The following MAST4 variants were observed in gnomAD, a reference collection of about 807,000 sequenced individuals.
MAST4 encodes the protein microtubule-associated serine/threonine-protein kinase 4.
In MAST4, 89 loss-of-function variants were observed where a neutral mutation model predicts 162.7. The observed-to-expected ratio is 0.55, with a 90% CI of 0.46 to 0.65. The LOEUF is 0.65. Among genes scored for constraint, MAST4 ranks in the 30% least tolerant of loss-of-function variants. MAST4 has a pLI of 0.00. For missense variants in MAST4, 3,153 were observed against 3,374.0 expected (o/e 0.93, Z 1.62); for synonymous variants, 1,479 against 1,361.1 (o/e 1.09, Z -1.91).
chr5:66,903,270 A>T (rs973441189), intron 4 of MAST4, among the ~76,000 whole-genome samples: 1 of 152,192 alleles, frequency 6.6e-6, no homozygotes, highest in Non-Finnish European at 1.5e-5. Context: ...GATAGTGTGT[A>T]TATGGGTGTT....
chr5:66,668,716 A>G (rs1037801552), intron 1 of MAST4, among the ~76,000 whole-genome samples: 2 of 152,246 alleles, frequency 1.3e-5, no homozygotes, highest in African/African-American at 4.8e-5. Context: ...TTGGTTTGGT[A>G]TAATTTTGTT....
chr5:66,907,153 CAAAGCGAGAGAG>C, intron 4 of MAST4, among the ~76,000 whole-genome samples: 1 of 116,836 alleles, frequency 8.6e-6, no homozygotes, highest in African/African-American at 3.4e-5. Context: ...TAACTCTCAG[CAAAGCGAGAGAG>C]AGAGAGAGAG....
chr5:67,127,236 A>G (rs186278892), intron 14 of MAST4, among the ~76,000 whole-genome samples: 2 of 152,170 alleles, frequency 1.3e-5, no homozygotes, highest in East Asian at 3.9e-4. Context: ...TCTTTCTCTT[A>G]CCTGATTGCC....
At chr5:66,872,183 GT>G (rs1554062049) in intron 3 of MAST4, among the ~76,000 whole-genome samples, 1 of 140,018 alleles carries the variant, frequency 7.1e-6, no homozygotes, top group African/African-American at 2.5e-5. Flanking sequence ...TTGTTTGTTT[GT>G]TTTGAGTCAA....
Position 67,114,099 on chromosome 5 carries a change from G to C in MAST4, c.1471G>C (p.Glu491Gln). ...TGTCTTCGGCTAGGAATTTGATCCG[G>C]AAGAATTTTACTACCTATTGGAAGC... The part of the protein sequence containing the change: ...RLLECLEFDP[E>Q]EFYYLLEAAE... Residue 491 changes from glutamate to glutamine, a missense_variant, in exon 12 of 29, where the codon GAA becomes CAA. Physicochemically the swap from Glu to Gln is conservative, Grantham distance 29. Transcript: ENST00000403625. 1 of 1,613,720 alleles carries C rather than the reference G, an allele frequency of 6.2e-7. No homozygotes were observed. The highest frequency in any genetic ancestry group is 8.5e-7 in the Non-Finnish European group (1 of 1,179,800).
intron 5 of MAST4, among the ~76,000 whole-genome samples, chr5:67,081,061 AATATAATATATAATTGTATATATT>A (rs1214612548): frequency 0.24 from 28,273 of 119,318 alleles, 5,905 homozygotes; most frequent in African/African-American, 0.48. Flanking sequence ...TATATTATAT[AATATAATATATAATTGTATATATT>A]ATATAATATA....
At chr5:66,814,378 T>C (rs42553) in intron 3 of MAST4, among the ~76,000 whole-genome samples, 150,259 of 152,190 alleles carry the variant, frequency 0.99, 74,176 homozygotes, top group East Asian at 1. Context: ...GGGCTTTTTT[T>C]ACCTTTGGCT....
intron 1 of MAST4, among the ~76,000 whole-genome samples, chr5:66,699,087 A>G (rs1383541784): frequency 1.3e-5 from 2 of 152,096 alleles, no homozygotes; most frequent in African/African-American, 2.4e-5. Context: ...TCCAGGCCCT[A>G]TGTGATCCAG....
At chr5:66,683,524 TTCAAGCTAGGA>T in intron 1 of MAST4, among the ~76,000 whole-genome samples, 1 of 152,218 alleles carries the variant, frequency 6.6e-6, no homozygotes, top group Admixed American at 6.5e-5. Context: ...TCAAGGCCTT[TTCAAGCTAGGA>T]TCAAGGTTGA....
chr5:66,960,590 A>G (rs1392375028), intron 4 of MAST4, among the ~76,000 whole-genome samples: 4 of 152,070 alleles, frequency 2.6e-5, no homozygotes, highest in Non-Finnish European at 1.5e-5. Context: ...TAACTAAGCC[A>G]TAGCTCTGTG....
intron 5 of MAST4, among the ~76,000 whole-genome samples, chr5:67,084,634 G>T (rs1027205055): frequency 1.3e-5 from 2 of 152,096 alleles, no homozygotes; most frequent in Admixed American, 6.5e-5. Flanking sequence ...ATCACTTACA[G>T]TTATAAATTA....
chr5:66,811,330 T>C (rs943737350), intron 3 of MAST4, among the ~76,000 whole-genome samples: 4 of 152,238 alleles, frequency 2.6e-5, no homozygotes, highest in Non-Finnish European at 5.9e-5. Context: ...ACTCTGCTTT[T>C]TGTTTTTAAT....
At chr5:66,635,229 G>A (rs565395372) in intron 1 of MAST4, among the ~76,000 whole-genome samples, 1 of 152,256 alleles carries the variant, frequency 6.6e-6, no homozygotes, top group African/African-American at 2.4e-5. Context: ...TGGTAACCGT[G>A]CCAGAGTGAA....
At chr5:67,095,079 C>T (rs917929613) in intron 6 of MAST4, among the ~76,000 whole-genome samples, 3 of 152,164 alleles carry the variant, frequency 2.0e-5, no homozygotes, top group Non-Finnish European at 4.4e-5. Flanking sequence ...CACTTCAGGC[C>T]TGAGCCAGCC....
intron 1 of MAST4, among the ~76,000 whole-genome samples, chr5:66,636,263 G>C (rs2149428722): frequency 6.6e-6 from 1 of 152,104 alleles, no homozygotes; most frequent in Middle Eastern, 3.4e-3. Context: ...GCCAAATATA[G>C]ACCTTTTAAT....
intron 4 of MAST4, among the ~76,000 whole-genome samples, chr5:66,934,625 A>G (rs1742523679): frequency 1.3e-5 from 2 of 152,066 alleles, no homozygotes; most frequent in Non-Finnish European, 2.9e-5. Context: ...CATAGCATAT[A>G]CTAAGAGTAA....
At chr5:67,113,473 T>C (rs1766510321) in intron 11 of MAST4, among the ~76,000 whole-genome samples, 1 of 152,098 alleles carries the variant, frequency 6.6e-6, no homozygotes, top group Admixed American at 6.5e-5. Context: ...AGGAAAAATA[T>C]ATTCCCAAAG....
chr5:67,134,852 CT>C (rs1157125104), intron 18 of MAST4, among the ~76,000 whole-genome samples, 164 bp downstream of exon 18: 1 of 152,194 alleles, frequency 6.6e-6, no homozygotes, highest in East Asian at 1.9e-4. Context: ...CATTCTTAAT[CT>C]CAAGAGAGCA....
intron 3 of MAST4, among the ~76,000 whole-genome samples, chr5:66,875,738 T>C (rs1383901948): frequency 3.3e-5 from 5 of 152,230 alleles, no homozygotes; most frequent in Non-Finnish European, 7.3e-5. Context: ...ATTAAAAGTC[T>C]ATACAGTTCT....
Sources: gnomAD v4.1 joint callset for allele counts (sites outside exome capture counted in the v4.1 genomes callset) on GRCh38, gnomAD v4.1.1 for gene constraint, MANE v1.5 for transcripts, NCBI Gene and HGNC (gene_info 2026-07-23, HGNC 2026-07-21) for gene names.